CACNA2D3: variants seen among roughly 807,000 people sequenced by gnomAD.
The protein encoded by CACNA2D3 is voltage-dependent calcium channel subunit alpha-2/delta-3.
A neutral mutation model predicts 160.6 loss-of-function variants in CACNA2D3; 60 were observed. The ratio of observed to expected loss-of-function variants is 0.37; its 90% CI spans 0.30 to 0.46. CACNA2D3 has a LOEUF of 0.46. Among genes scored for constraint, CACNA2D3 ranks in the 20% least tolerant of loss-of-function variants. The pLI is 1.00. For missense variants in CACNA2D3, 1,205 were observed against 1,365.0 expected (o/e 0.88, Z 1.85); for synonymous variants, 558 against 492.9 (o/e 1.13, Z -1.75).
At chr3:54,273,321 A>G (rs961643518) in intron 2 of CACNA2D3, among the ~76,000 whole-genome samples, 3 of 151,932 alleles carry the variant, frequency 2.0e-5, no homozygotes. Flanking sequence ...CAGAAGTGGG[A>G]AAATATATAT....
chr3:54,776,986 A>C (rs1702437430), intron 13 of CACNA2D3, among the ~76,000 whole-genome samples: 1 of 152,188 alleles, frequency 6.6e-6, no homozygotes, highest in Non-Finnish European at 1.5e-5. Context: ...GCTGATTCTC[A>C]TGCTTTGACA....
chr3:54,874,246 C>G (rs760241069), intron 18 of CACNA2D3, among the ~76,000 whole-genome samples: 5 of 152,182 alleles, frequency 3.3e-5, no homozygotes, highest in Non-Finnish European at 7.3e-5. Flanking sequence ...ATGAGCAGGA[C>G]TTCTGTCCCA....
intron 4 of CACNA2D3, among the ~76,000 whole-genome samples, chr3:54,433,341 A>T (rs1039740980): frequency 9.9e-5 from 15 of 152,230 alleles, no homozygotes; most frequent in Non-Finnish European, 1.8e-4. Context: ...CTAAATAGAC[A>T]TTTGATAAAT....
chr3:54,516,583 A>G (rs1701555008), intron 5 of CACNA2D3, among the ~76,000 whole-genome samples: 1 of 152,210 alleles, frequency 6.6e-6, no homozygotes, highest in Non-Finnish European at 1.5e-5. Flanking sequence ...TTAGAGATCA[A>G]TAAAATGGCC....
At chr3:54,489,829 C>T (rs1400804722) in intron 4 of CACNA2D3, among the ~76,000 whole-genome samples, 1 of 152,016 alleles carries the variant, frequency 6.6e-6, no homozygotes, top group Non-Finnish European at 1.5e-5. Context: ...CTATTCATTA[C>T]CTATTTTTTT....
intron 11 of CACNA2D3, among the ~76,000 whole-genome samples, chr3:54,703,029 A>T (rs1700794083): frequency 6.6e-6 from 1 of 152,200 alleles, no homozygotes; most frequent in Non-Finnish European, 1.5e-5. Context: ...CTAAACATTG[A>T]GTACACATGG....
chr3:54,424,075 T>C (rs1285360156), intron 4 of CACNA2D3, among the ~76,000 whole-genome samples: 1 of 152,034 alleles, frequency 6.6e-6, no homozygotes, highest in Non-Finnish European at 1.5e-5. Context: ...GGTTTTTGTT[T>C]GTTTGTTTGT....
intron 4 of CACNA2D3, among the ~76,000 whole-genome samples, chr3:54,464,110 C>G (rs996711435): frequency 9.2e-5 from 14 of 152,180 alleles, no homozygotes; most frequent in African/African-American, 2.9e-4. Flanking sequence ...ACGAATGCTG[C>G]TGTCTGATCG....
At chr3:54,744,432 G>A (rs951080917) in intron 11 of CACNA2D3, among the ~76,000 whole-genome samples, 1 of 152,228 alleles carries the variant, frequency 6.6e-6, no homozygotes, top group Non-Finnish European at 1.5e-5. Flanking sequence ...AATTGTGAGT[G>A]TATAGACTTT....
chr3:54,837,945 C>T (rs1331935737), intron 15 of CACNA2D3, among the ~76,000 whole-genome samples: 1 of 152,108 alleles, frequency 6.6e-6, no homozygotes, highest in East Asian at 1.9e-4. Flanking sequence ...TCTGGGTGGA[C>T]ATGAACTTGG....
chr3:54,721,010 A>C (rs552908482), intron 11 of CACNA2D3, among the ~76,000 whole-genome samples: 1 of 152,174 alleles, frequency 6.6e-6, no homozygotes, highest in Non-Finnish European at 1.5e-5. Context: ...TTAATCTAAA[A>C]AAGGCAAAAT....
intron 9 of CACNA2D3, among the ~76,000 whole-genome samples, chr3:54,594,726 G>A (rs1426768844): frequency 1.3e-5 from 2 of 152,154 alleles, no homozygotes; most frequent in Non-Finnish European, 2.9e-5. Context: ...AATAAATACA[G>A]CATTTTGCAA....
chr3:54,659,580 A>G (rs1575410431), intron 11 of CACNA2D3, among the ~76,000 whole-genome samples: 1 of 152,174 alleles, frequency 6.6e-6, no homozygotes, highest in Non-Finnish European at 1.5e-5. Flanking sequence ...GGGAATGCAG[A>G]GAGCATCCAG....
chr3:54,907,463 G>T (rs1432634150), intron 27 of CACNA2D3, among the ~76,000 whole-genome samples: 2 of 152,148 alleles, frequency 1.3e-5, no homozygotes, highest in African/African-American at 4.8e-5. Context: ...CCTGTTGAGA[G>T]AAATAAGTTT....
At chr3:54,598,641 G>C (rs1703005924) in intron 9 of CACNA2D3, among the ~76,000 whole-genome samples, 2 of 151,424 alleles carry the variant, frequency 1.3e-5, no homozygotes, top group Admixed American at 1.3e-4. Flanking sequence ...GTTCTCATGT[G>C]CATACCTTAA....
In CACNA2D3 at chr3:54,624,666, T is replaced by C. The variant is rs144183294; in HGVS notation, c.964-3121T>C. Among the ~76,000 whole-genome samples, 605 of 152,274 alleles carry C rather than the reference T, an allele frequency of 4.0e-3. 3 individuals are homozygous for C. Among genetic ancestry groups the C allele is most frequent in the Non-Finnish European group, 6.1e-3 (413 of 68,018 alleles). On this transcript the variant is annotated intron_variant, in intron 9 of 37. Transcript: ENST00000474759. ...AAAATGCTGTGTTAACATGTGTGACTGAGTGCAATTAAGGCATTTGGCAGA... is the reference window on the plus strand; with the variant it reads ...AAAATGCTGTGTTAACATGTGTGACCGAGTGCAATTAAGGCATTTGGCAGA...
Position 55,004,752 on chromosome 3 carries a change from C to T in CACNA2D3, c.2691-11C>T. ...CATTTAGTGAAGCTCCCTTCCATTT[C>T]TTTCCTGTAGAATTACCCTTTATGA... On this transcript the variant is annotated splice_polypyrimidine_tract_variant and intron_variant, in intron 31 of 37. Transcript: ENST00000474759. 1 of 1,604,946 alleles carries T rather than the reference C, an allele frequency of 6.2e-7. No individual in the cohort carries two copies.
chr3:54,647,538 A>G (rs1422114074), intron 11 of CACNA2D3, among the ~76,000 whole-genome samples: 1 of 152,140 alleles, frequency 6.6e-6, no homozygotes, highest in East Asian at 1.9e-4. Flanking sequence ...CTCATCTTCC[A>G]AGGCAACCCT....
chr3:54,668,916 C>T lies in CACNA2D3; in HGVS notation c.1167+26675C>T, dbSNP rs114508892. ...AGCATTTTTAGATGCTGTTCCACCTCCCACAAAGTTCCTATTACTCAGTGG... is the reference window on the plus strand; with the variant it reads ...AGCATTTTTAGATGCTGTTCCACCTTCCACAAAGTTCCTATTACTCAGTGG... On this transcript the variant is annotated intron_variant, in intron 11 of 37. Coordinates refer to ENST00000474759, the MANE Select transcript of CACNA2D3 (RefSeq NM_018398.3). Among the ~76,000 whole-genome samples, 325 of 152,330 alleles carry T rather than the reference C, an allele frequency of 2.1e-3. 2 individuals are homozygous for T. The highest frequency in any genetic ancestry group is 7.5e-3 in the African/African-American group (310 of 41,570).
Sources: gnomAD v4.1 joint callset for allele counts (sites outside exome capture counted in the v4.1 genomes callset) on GRCh38, gnomAD v4.1.1 for gene constraint, MANE v1.5 for transcripts, NCBI Gene and HGNC (gene_info 2026-07-23, HGNC 2026-07-21) for gene names.